The following RCAN3 variants were observed in gnomAD, a reference collection of about 807,000 sequenced individuals.
The protein encoded by RCAN3 is calcipressin-3.
Under a neutral mutation model 21.9 loss-of-function variants are expected in RCAN3, and 19 were observed. The observed-to-expected ratio is 0.87, with a 90% confidence interval of 0.61 to 1.27. The LOEUF is 1.27. RCAN3 is among the 50% of genes most tolerant of loss of function. The pLI is 0.00. For synonymous variants in RCAN3, 114 were observed against 112.3 expected, an observed-to-expected ratio of 1.01 and a Z score of -0.09; for missense variants, 240 against 300.1, an observed-to-expected ratio of 0.80 and a Z score of 1.48.
chr1:24,539,120 C>T lies in RCAN3; in HGVS notation c.*3843C>T, dbSNP rs1216075930. ...GTTATGGCACTGACTTAGGCACCCC[C>T]AGCAAGGCAACCCAGGGACTACAAC... On this transcript the variant is annotated 3_prime_UTR_variant, in exon 5 of 5. Coordinates refer to ENST00000374395, the MANE Select transcript of RCAN3 (RefSeq NM_013441.4). The T allele has an allele frequency of 2.0e-5, 3 of 152,108 alleles. No homozygotes were observed. Among genetic ancestry groups the T allele is most frequent in the African/African-American group, 7.2e-5 (3 of 41,400 alleles). The allele number at this position is 152,108 out of a possible 1,614,324, so 9.4% of individuals were successfully genotyped here.
In RCAN3 at chr1:24,502,933, C is replaced by G. The variant is rs1213219072; in HGVS notation, c.-277C>G. 6.7e-6 allele frequency: 1 copy of G among 150,076 alleles called. No homozygotes were observed. Among genetic ancestry groups the G allele is most frequent in the South Asian group, 2.1e-4 (1 of 4,822 alleles). 9.3% of individuals were successfully genotyped at this position (150,076 alleles called of 1,614,324 possible). A position where few individuals can be genotyped will look rare whatever the true frequency, so the allele number is the denominator to read the frequency against. ...CCCAGGGGGCCGCTCTCGCCGGCGT[C>G]GAGGGCGTGGCGGCGAGGCTGCTGC... On this transcript the variant is annotated 5_prime_UTR_variant, in exon 1 of 5. Transcript: ENST00000374395.
At position 24,536,280 on chromosome 1, in the gene RCAN3, C is replaced by T. The variant is rs1244184944; in HGVS notation, c.*1003C>T. On this transcript the variant is annotated 3_prime_UTR_variant, in exon 5 of 5. Coordinates refer to ENST00000374395, the MANE Select transcript of RCAN3 (RefSeq NM_013441.4). ...GACCATTTGTAAATTGTCCATTTAA[C>T]CATTTTTCAGCTTGCTTTGAAACAA... is the stretch of plus-strand genomic sequence containing the variant. The T allele has an allele frequency of 6.6e-6, 1 of 152,184 alleles. No homozygotes were observed. The highest frequency in any genetic ancestry group is 2.4e-5 in the African/African-American group (1 of 41,432). The allele number at this position is 152,184 out of a possible 1,614,324, so 9.4% of individuals were successfully genotyped here.
intron 2 of RCAN3, among the ~76,000 whole-genome samples, chr1:24,517,852 T>G (rs530910241): frequency 2.6e-5 from 4 of 151,996 alleles, no homozygotes; most frequent in African/African-American, 9.7e-5. Flanking sequence ...TTTTAAGATA[T>G]GGGCAGAATC....
chr1:24,535,020 G>T (rs1017984828), intron 4 of RCAN3, 73 bp from the exon 5 acceptor site: 993 of 1,468,574 alleles, frequency 6.8e-4, no homozygotes, highest in Non-Finnish European at 8.4e-4. Context: ...AGAACAAAAA[G>T]TTGCAAGGGA....
At chr1:24,530,304 A>C (rs920135286) in intron 2 of RCAN3, among the ~76,000 whole-genome samples, 6 of 147,512 alleles carry the variant, frequency 4.1e-5, no homozygotes, top group African/African-American at 1.5e-4. Context: ...GCAGTGAGCC[A>C]AGATTGTACC....
At chr1:24,514,677 TC>T in intron 2 of RCAN3, 110 bp downstream of exon 2, 1 of 1,132,722 alleles carries the variant, frequency 8.8e-7, no homozygotes, top group Non-Finnish European at 1.3e-6. Context: ...AAAGTGTATG[TC>T]CACTTTTAGG....
intron 2 of RCAN3, among the ~76,000 whole-genome samples, chr1:24,517,084 GTTT>G (rs11372088): frequency 6.8e-6 from 1 of 146,864 alleles, no homozygotes; most frequent in African/African-American, 2.5e-5. Flanking sequence ...CTATTTTTTT[GTTT>G]TTTTTTGTTT....
chr1:24,534,839 A>G (rs1315234902), intron 4 of RCAN3, among the ~76,000 whole-genome samples: 7 of 152,226 alleles, frequency 4.6e-5, no homozygotes, highest in Non-Finnish European at 8.8e-5. Flanking sequence ...AACTCATATT[A>G]TTCATAAAAC....
At chr1:24,527,144 G>C (rs1461560169) in intron 2 of RCAN3, among the ~76,000 whole-genome samples, 1 of 148,008 alleles carries the variant, frequency 6.8e-6, no homozygotes, top group African/African-American at 2.5e-5. Context: ...CAATTCTCAT[G>C]TCTCAGCCTC....
At chr1:24,509,453 C>A (rs1647712889) in intron 1 of RCAN3, among the ~76,000 whole-genome samples, 1 of 152,202 alleles carries the variant, frequency 6.6e-6, no homozygotes, top group Non-Finnish European at 1.5e-5. Flanking sequence ...CCTTTGTTGT[C>A]ATTTCAACAA....
At chr1:24,520,870 G>T (rs1023766568) in intron 2 of RCAN3, among the ~76,000 whole-genome samples, 51 of 151,920 alleles carry the variant, frequency 3.4e-4, no homozygotes, top group African/African-American at 1.2e-3. Context: ...AAAATTAAAA[G>T]ATGTCAGTAC....
intron 2 of RCAN3, among the ~76,000 whole-genome samples, chr1:24,518,766 A>T (rs908225499): frequency 2.4e-4 from 36 of 150,510 alleles, no homozygotes; most frequent in African/African-American, 8.3e-4. Flanking sequence ...CTAATTTATT[A>T]TTTATTTATT....
chr1:24,524,901 C>G (rs1649141527), intron 2 of RCAN3, among the ~76,000 whole-genome samples: 1 of 148,218 alleles, frequency 6.7e-6, no homozygotes, highest in Non-Finnish European at 1.5e-5. Context: ...ACAATCACAG[C>G]TCTCTGCAAC....
intron 4 of RCAN3, among the ~76,000 whole-genome samples, chr1:24,534,858 G>A (rs1483720510): frequency 6.6e-6 from 1 of 152,138 alleles, no homozygotes; most frequent in Non-Finnish European, 1.5e-5. Flanking sequence ...ACAATAATTA[G>A]CATTTGCATT....
rs943591342 is a variant in RCAN3 at position 24,522,604 on chromosome 1, G to A, written c.195+8037G>A. ...AGAGAATGGGCTTGCCCTCCTTCCC[G>A]GTGCCACTGTTCCCAGGCCTCCACG... is the stretch of plus-strand genomic sequence containing the variant. On this transcript the variant is annotated intron_variant, in intron 2 of 4. Transcript: ENST00000374395. Among the ~76,000 whole-genome samples the A allele has an allele frequency of 3.3e-5, 5 of 152,104 alleles. No homozygotes were observed. In the East Asian group the frequency reaches 5.8e-4, roughly 18 times the overall value.
In RCAN3 at chr1:24,525,807, G is replaced by C. The variant is rs893036974; in HGVS notation, c.196-5411G>C. On this transcript the variant is annotated intron_variant, in intron 2 of 4. Coordinates refer to ENST00000374395, the MANE Select transcript of RCAN3 (RefSeq NM_013441.4). This position sits in a 1 kb window ranked among gnomAD's most constrained non-coding sequence, Gnocchi z 4.1. ...TAAATCCCTTTCGTGCTAATGCCGG[G>C]TTATCAGGGGCAGCCTCAGGAATCT... Among the ~76,000 whole-genome samples the C allele has an allele frequency of 6.6e-6, 1 of 152,088 alleles. No individual in the cohort carries two copies. The highest frequency in any genetic ancestry group is 1.5e-5 in the Non-Finnish European group (1 of 68,018).
chr1:24,533,290 A>G (rs768289364), intron 4 of RCAN3, 36 bp downstream of exon 4: 3 of 1,476,026 alleles, frequency 2.0e-6, no homozygotes, highest in Non-Finnish European at 2.7e-6. Flanking sequence ...TTCTTCCCCA[A>G]GAAACTTTTG....
At chr1:24,512,147 C>G (rs753484830) in intron 1 of RCAN3, among the ~76,000 whole-genome samples, 1 of 151,908 alleles carries the variant, frequency 6.6e-6, no homozygotes, top group Non-Finnish European at 1.5e-5. Flanking sequence ...GTCAGGAGTT[C>G]GAGACCAGCC....
rs1648110574 is a variant in RCAN3 at position 24,514,212 on chromosome 1, A to T, written c.-59-102A>T. ...TAAATATTGATTCATCGTTCTAAATAAAATTGCTTCATTTGATGAATTGCA... is the reference window on the plus strand; with the variant it reads ...TAAATATTGATTCATCGTTCTAAATTAAATTGCTTCATTTGATGAATTGCA... On this transcript the variant is annotated intron_variant, in intron 1 of 4. Coordinates refer to ENST00000374395, the MANE Select transcript of RCAN3 (RefSeq NM_013441.4). 5.8e-6 allele frequency: 3 copies of T among 512,914 alleles called. No individual in the cohort carries two copies. The African/African-American group carries it at 5.9e-5, about 10-fold the overall frequency. 31.8% of individuals were successfully genotyped at this position (512,914 alleles called of 1,614,324 possible).
Sources: gnomAD v4.1 joint callset for allele counts (sites outside exome capture counted in the v4.1 genomes callset) on GRCh38, gnomAD v4.1.1 for gene constraint, Gnocchi (gnomAD v3.1) non-coding constraint, MANE v1.5 for transcripts, NCBI Gene and HGNC (gene_info 2026-07-23, HGNC 2026-07-21) for gene names.